Variants in CAPN5 observed in about 807,000 individuals in gnomAD.
CAPN5 encodes the protein calpain-5.
CAPN5 carries 54 observed loss-of-function variants against 73.0 expected under a neutral mutation model. The observed-to-expected ratio is 0.74, with a 90% CI of 0.59 to 0.93. The LOEUF (loss-of-function observed/expected upper bound fraction) is 0.93, where lower values mean the gene tolerates loss of function less well. Ranked by LOEUF, CAPN5 falls within the 40% of genes least tolerant of loss-of-function variation. CAPN5 has a pLI of 0.00. For synonymous variants in CAPN5, 335 were observed against 356.9 expected (o/e 0.94, Z 0.69); for missense variants, 785 against 882.9 (o/e 0.89, Z 1.41).
Position 77,124,424 on chromosome 11 carries a change from C to T in CAPN5, c.*554C>T, listed in dbSNP as rs1950553082. On this transcript the variant is annotated 3_prime_UTR_variant, in exon 13 of 13. Transcript: ENST00000648180. ...CCATCCTCTCACCCATCCATTTCCT[C>T]ACTCAGTGGAGATTTGCCAAATGAA... The T allele has an allele frequency of 6.5e-6, 1 of 154,064 alleles. No homozygotes were observed. The highest frequency in any genetic ancestry group is 1.4e-5 in the Non-Finnish European group (1 of 69,064). The allele number at this position is 154,064 out of a possible 1,614,324, so 9.5% of individuals were successfully genotyped here. A position where few individuals can be genotyped will look rare whatever the true frequency, so the allele number is the denominator to read the frequency against.
At position 77,093,824 on chromosome 11, in the gene CAPN5, G is replaced by C; in HGVS notation, c.297+11G>C. The C allele has an allele frequency of 6.2e-7, 1 of 1,607,226 alleles. No individual in the cohort carries two copies. Among genetic ancestry groups the C allele is most frequent in the Non-Finnish European group, 8.5e-7 (1 of 1,179,886 alleles). ...TCGCTGTGGCAAAAGGTGAGGCCTC[G>C]GGCAGAGTGGGCAGGGTGCTGGGGA... On this transcript the variant is annotated intron_variant, in intron 3 of 12. Coordinates refer to ENST00000648180, the MANE Select transcript of CAPN5 (RefSeq NM_004055.5).
intron 2 of CAPN5, among the ~76,000 whole-genome samples, chr11:77,092,402 G>T (rs10899351): frequency 0.17 from 25,226 of 152,242 alleles, 2,181 homozygotes; most frequent in Middle Eastern, 0.28. Flanking sequence ...TGCCTCAGGG[G>T]GCTTTTAAGG....
intron 2 of CAPN5, among the ~76,000 whole-genome samples, chr11:77,089,837 G>A (rs1555036187): frequency 6.6e-6 from 1 of 152,140 alleles, no homozygotes; most frequent in African/African-American, 2.4e-5. Flanking sequence ...TCGCACCATT[G>A]CATTCCAGCC....
chr11:77,093,564 T>G (rs1950174341), intron 2 of CAPN5, 118 bp from the exon 3 acceptor site: 3 of 1,412,414 alleles, frequency 2.1e-6, no homozygotes, highest in Non-Finnish European at 2.8e-6. Context: ...TGAATCACCA[T>G]GCTGATGATC....
intron 2 of CAPN5, among the ~76,000 whole-genome samples, chr11:77,087,080 G>C (rs1397105864): frequency 6.6e-6 from 1 of 152,238 alleles, no homozygotes; most frequent in African/African-American, 2.4e-5. Flanking sequence ...TGTTCAGAGA[G>C]CTGTGTGAGT....
rs1454290576 is a variant in CAPN5, at chr11:77,124,162, C to T, written c.*292C>T. On this transcript the variant is annotated 3_prime_UTR_variant, in exon 13 of 13. Coordinates refer to ENST00000648180, the MANE Select transcript of CAPN5 (RefSeq NM_004055.5). The stretch of plus-strand genomic sequence containing the variant: ...CCATTGAGCACATTTTCCTAAGGCC[C>T]TGCTGTCTGCCGAGGAGCGCCAAGA... 1 of 396,658 alleles carries T rather than the reference C, an allele frequency of 2.5e-6. No individual in the cohort carries two copies. Among genetic ancestry groups the T allele is most frequent in the African/African-American group, 2.0e-5 (1 of 49,778 alleles). The allele number at this position is 396,658 out of a possible 1,614,324, so 24.6% of individuals were successfully genotyped here.
At chr11:77,073,002 G>A (rs1454145239) in intron 1 of CAPN5, 14 of 998,008 alleles carry the variant, frequency 1.4e-5, no homozygotes, top group South Asian at 9.4e-5. Context: ...TTGTCTCTCC[G>A]GTGGGGAGTG....
chr11:77,077,540 G>GT (rs1949984571), intron 1 of CAPN5, among the ~76,000 whole-genome samples: 1 of 139,840 alleles, frequency 7.2e-6, no homozygotes, highest in Admixed American at 7.1e-5. Flanking sequence ...TTTTTTTTTT[G>GT]TTTTTTGAGA....
At position 77,114,315 on chromosome 11, in the gene CAPN5, TC is replaced by T; in HGVS notation, c.581del (p.Ser194LeufsTer6). 1 of 1,614,214 alleles carries T rather than the reference TC, an allele frequency of 6.2e-7. No homozygotes were observed. Among genetic ancestry groups the T allele is most frequent in the East Asian group, 2.2e-5 (1 of 44,884 alleles). Reference sequence around the variant, plus strand: ...ACTGGTGGACTTCACGGGTGGTGTTTCTGAGCCCATCGACCTGACCGAGGGT... The same window carrying T: ...ACTGGTGGACTTCACGGGTGGTGTTTTGAGCCCATCGACCTGACCGAGGGT... ...DALVDFTGGV[S>X]EPIDLTEGDF... On this transcript the variant is annotated frameshift_variant, in exon 5 of 13. Transcript: ENST00000648180. LOFTEE classifies it high-confidence loss of function.
intron 3 of CAPN5, chr11:77,102,838 C>T (rs782313615): frequency 1.9e-6 from 3 of 1,576,490 alleles, no homozygotes; most frequent in Non-Finnish European, 2.6e-6. Flanking sequence ...AGCACTTGGG[C>T]CATGGCGGAG....
Position 77,085,011 on chromosome 11 carries a change from A to AGGGCACGCCG in CAPN5, c.130_139dup (p.Pro47HisfsTer95), listed in dbSNP as rs781910776. ...GCCACTGACGACTCACTCTACTATA[A>AGGGCACGCCG]GGGCACGCCGGGGCCCGCCGTCAGG... On this transcript the variant is annotated frameshift_variant, in exon 2 of 13. Coordinates refer to ENST00000648180, the MANE Select transcript of CAPN5 (RefSeq NM_004055.5). LOFTEE classifies it high-confidence loss of function. 6.2e-7 allele frequency: 1 copy of AGGGCACGCCG among 1,613,730 alleles called. No homozygotes were observed. The highest frequency in any genetic ancestry group is 8.5e-7 in the Non-Finnish European group (1 of 1,180,042).
chr11:77,073,200 T>A, intron 1 of CAPN5: 1 of 960,710 alleles, frequency 1.0e-6, no homozygotes, highest in Non-Finnish European at 1.5e-6. Flanking sequence ...GTTCTTTCAG[T>A]GTTAAAACTG....
chr11:77,126,123 C>G lies in CAPN5; in HGVS notation c.*2253C>G, dbSNP rs1198145396. The G allele has an allele frequency of 1.3e-5, 2 of 152,218 alleles. No homozygotes were observed. Among genetic ancestry groups the G allele is most frequent in the African/African-American group, 2.4e-5 (1 of 41,454 alleles). 9.4% of individuals were successfully genotyped at this position (152,218 alleles called of 1,614,324 possible). A position where few individuals can be genotyped will look rare whatever the true frequency, so the allele number is the denominator to read the frequency against. On this transcript the variant is annotated 3_prime_UTR_variant, in exon 13 of 13. Coordinates refer to ENST00000648180, the MANE Select transcript of CAPN5 (RefSeq NM_004055.5). Reference sequence around the variant, plus strand: ...AGGGTTAGGGGACAGGAAGCCTGTTCTATTCTCAATAAATCTTACAAAATT... The same window carrying G: ...AGGGTTAGGGGACAGGAAGCCTGTTGTATTCTCAATAAATCTTACAAAATT...
intron 7 of CAPN5, 45 bp from the exon 8 acceptor site, chr11:77,118,112 G>A (rs782698489): frequency 5.8e-6 from 9 of 1,550,622 alleles, no homozygotes; most frequent in South Asian, 2.4e-5. Context: ...AAGAGCCTGG[G>A]GAGGTGTGGG....
chr11:77,097,464 GTTTTTT>G (rs58077755), intron 3 of CAPN5, among the ~76,000 whole-genome samples: 4 of 79,730 alleles, frequency 5.0e-5, no homozygotes, highest in African/African-American at 1.4e-4. Context: ...TTTCCTTCTA[GTTTTTT>G]TTTTTTTTTT....
intron 1 of CAPN5, chr11:77,073,118 G>C (rs1555033372): frequency 7.8e-7 from 1 of 1,289,582 alleles, no homozygotes; most frequent in East Asian, 5.5e-5. Context: ...AGGACCTGGT[G>C]CTGGACTGGG....
intron 2 of CAPN5, among the ~76,000 whole-genome samples, chr11:77,089,548 G>T (rs1950127781): frequency 6.6e-6 from 1 of 152,158 alleles, no homozygotes. Context: ...TGAGGGCCTG[G>T]GCTTCCCCAA....
At chr11:77,072,898 C>T (rs1264053904) in intron 1 of CAPN5, 2 of 346,040 alleles carry the variant, frequency 5.8e-6, no homozygotes, top group African/African-American at 2.2e-5. Flanking sequence ...TCACGAGAGC[C>T]TGTGGCCAGA....
At position 77,118,197 on chromosome 11, in the gene CAPN5, A is replaced by C; in HGVS notation, c.1012A>C (p.Ile338Leu). 2 of 1,614,092 alleles carry C rather than the reference A, an allele frequency of 1.2e-6. No homozygotes were observed. The highest frequency in any genetic ancestry group is 2.2e-5 in the South Asian group (2 of 91,074). ...EDVCRYFTDI[I>L]KCRVINTSHL... The stretch of plus-strand genomic sequence containing the variant: ...CGTGTGCCGGTACTTCACGGACATC[A>C]TCAAGTGCCGCGTGATCAACACATC... Residue 338 changes from isoleucine (I) to leucine (L), a missense_variant, in exon 8 of 13, where the codon ATC becomes CTC. By Grantham distance (5) the Ile-to-Leu change is conservative (BLOSUM62 2). Coordinates refer to ENST00000648180, the MANE Select transcript of CAPN5 (RefSeq NM_004055.5).
Sources: gnomAD v4.1 joint callset for allele counts (sites outside exome capture counted in the v4.1 genomes callset) on GRCh38, gnomAD v4.1.1 for gene constraint, MANE v1.5 for transcripts, NCBI Gene and HGNC (gene_info 2026-07-23, HGNC 2026-07-21) for gene names.